Variants in COL8A2 observed in about 807,000 individuals in gnomAD.
The protein encoded by COL8A2 is collagen alpha-2(VIII) chain.
In COL8A2, 16 loss-of-function variants were observed where a neutral mutation model predicts 24.0. The observed-to-expected ratio is 0.67, with a 90% CI of 0.45 to 1.01. The LOEUF is 1.01. Ranked by LOEUF, COL8A2 falls within the 50% of genes least tolerant of loss-of-function variation. The pLI is 0.00. For synonymous variants in COL8A2, 466 were observed against 424.5 expected (o/e 1.10, Z -1.20); for missense variants, 818 against 942.4 (o/e 0.87, Z 1.73).
rs1643720524 is a variant in COL8A2, at chr1:36,104,095, G to A, written c.-16-3837C>T. ...TGTGATCCCAGCTACTTGGGGGGCT[G>A]CGGCAGGAGAATTGCTTGAACCTGG... On this transcript the variant is annotated intron_variant, in intron 2 of 3. Transcript: ENST00000397799. Among the ~76,000 whole-genome samples the A allele has an allele frequency of 2.0e-5, 3 of 152,188 alleles. No homozygotes were observed. The South Asian group carries it at 6.2e-4, about 32-fold the overall frequency.
At chr1:36,099,635 G>C (rs1280027430) in intron 3 of COL8A2, 148 bp from the exon 4 acceptor site, 2 of 686,444 alleles carry the variant, frequency 2.9e-6, no homozygotes, top group African/African-American at 3.6e-5. Flanking sequence ...TGGGGTTTGG[G>C]GGTGGCCCAG....
At chr1:36,117,039 C>A (rs1242237762) in intron 1 of COL8A2, among the ~76,000 whole-genome samples, 1 of 152,218 alleles carries the variant, frequency 6.6e-6, no homozygotes, top group East Asian at 1.9e-4. Flanking sequence ...GCCCAGCCAG[C>A]CCACCTGGCA....
chr1:36,120,765 TAGAG>T lies in COL8A2; in HGVS notation c.-62+4288_-62+4291del, dbSNP rs1234289891. The stretch of plus-strand genomic sequence containing the variant: ...TCCGTCTCAAAAAAAAAAAAAAAAA[TAGAG>T]AGAGAGAGAGGAAGGAAGGAAGGAA... On this transcript the variant is annotated intron_variant, in intron 1 of 3. Coordinates refer to ENST00000397799, the MANE Select transcript of COL8A2 (RefSeq NM_005202.4). Among the ~76,000 whole-genome samples the T allele has an allele frequency of 8.7e-4, 68 of 78,336 alleles. 1 individual carries two copies. In the East Asian group the frequency reaches 0.018, roughly 21 times the overall value. 51.4% of individuals were successfully genotyped at this position (78,336 alleles called of 152,430 possible).
chr1:36,116,368 G>A (rs995190675), intron 1 of COL8A2, among the ~76,000 whole-genome samples: 2 of 152,196 alleles, frequency 1.3e-5, no homozygotes, highest in Non-Finnish European at 2.9e-5. Context: ...TCTGTGTCCC[G>A]GGTTCCCATG....
In COL8A2 at chr1:36,115,464, G is replaced by A. The variant is rs182920718; in HGVS notation, c.-17+244C>T. Among the ~76,000 whole-genome samples, 9 of 152,226 alleles carry A rather than the reference G, an allele frequency of 5.9e-5. No individual in the cohort carries two copies. The highest frequency in any genetic ancestry group is 1.9e-4 in the African/African-American group (8 of 41,540). Reference sequence around the variant, plus strand: ...CACCCAGGCTGGGCCAAGCAAACACGGCCCCGCCAAGGAGCCAGGCGAAAT... The same window carrying A: ...CACCCAGGCTGGGCCAAGCAAACACAGCCCCGCCAAGGAGCCAGGCGAAAT... On this transcript the variant is annotated intron_variant, in intron 2 of 3. Coordinates refer to ENST00000397799, the MANE Select transcript of COL8A2 (RefSeq NM_005202.4). This position sits in a 1 kb window ranked among gnomAD's most constrained non-coding sequence, Gnocchi z 5.7.
rs999323775 is a variant in COL8A2, at chr1:36,123,172, C to T, written c.-62+1885G>A. Among the ~76,000 whole-genome samples the T allele has an allele frequency of 6.6e-6, 1 of 152,200 alleles. No homozygotes were observed. The highest frequency in any genetic ancestry group is 2.4e-5 in the African/African-American group (1 of 41,450). ...AGAGGAGAGGCCGCTGTGTCTCTCT[C>T]GTTCCTCCGACCCGACACTATAATT... On this transcript the variant is annotated intron_variant, in intron 1 of 3. Transcript: ENST00000397799. The surrounding 1 kb of genome is among the most constrained non-coding windows in gnomAD (Gnocchi z 4.1).
In COL8A2 at chr1:36,108,685, T is replaced by C. The variant is rs568286782; in HGVS notation, c.-17+7023A>G. ...AAGGAGACCGGCTGGGAGTGGGGAG[T>C]GCTCTGGGATCTTTCAGACCAGTGG... On this transcript the variant is annotated intron_variant, in intron 2 of 3. Transcript: ENST00000397799. Among the ~76,000 whole-genome samples, 23 of 151,502 alleles carry C rather than the reference T, an allele frequency of 1.5e-4. No homozygotes were observed. The South Asian group carries it at 4.8e-3, about 32-fold the overall frequency.
At chr1:36,122,074 A>G (rs1045264377) in intron 1 of COL8A2, among the ~76,000 whole-genome samples, 1 of 152,192 alleles carries the variant, frequency 6.6e-6, no homozygotes, top group Non-Finnish European at 1.5e-5. Context: ...GAATAGAAGC[A>G]CGGCCAGGTC....
Position 36,098,354 on chromosome 1 carries a change from C to A in COL8A2, c.1327G>T (p.Ala443Ser). ...CCCAAGTCACCTTTCTGCCCCAGGGCTCCTGCCACCCCTGGTCCTCCAGGG... is the reference window on the plus strand; with the variant it reads ...CCCAAGTCACCTTTCTGCCCCAGGGATCCTGCCACCCCTGGTCCTCCAGGG... Reference protein sequence around the residue: ...GRPGGPGVAGALGQKGDLGLP... With the variant: ...GRPGGPGVAGSLGQKGDLGLP... The change falls in exon 4 of 4, where the codon GCC becomes TCC. Residue 443 changes from alanine to serine, a missense_variant. This residue lies in a region of COL8A2 where 573 missense variants were observed against 616.8 expected (regional missense o/e 0.93). Coordinates refer to ENST00000397799, the MANE Select transcript of COL8A2 (RefSeq NM_005202.4). 2 of 1,551,546 alleles carry A rather than the reference C, an allele frequency of 1.3e-6. No individual in the cohort carries two copies. The highest frequency in any genetic ancestry group is 1.9e-5 in the Admixed American group (1 of 51,746).
At chr1:36,107,493 G>A (rs1415711742) in intron 2 of COL8A2, among the ~76,000 whole-genome samples, 2 of 152,066 alleles carry the variant, frequency 1.3e-5, no homozygotes, top group South Asian at 2.1e-4. Flanking sequence ...AGAGACAGAC[G>A]CAAACAGAGG....
At chr1:36,109,560 T>C (rs961432502) in intron 2 of COL8A2, among the ~76,000 whole-genome samples, 2 of 150,274 alleles carry the variant, frequency 1.3e-5, no homozygotes, top group African/African-American at 4.9e-5. Context: ...CAGGGGCTGC[T>C]CTGCCTATGG....
chr1:36,097,999 T>C lies in COL8A2; in HGVS notation c.1682A>G (p.Lys561Arg). Reference protein sequence around the residue: ...VEGAVLGKGGKPQFGLGELSA... With the variant: ...VEGAVLGKGGRPQFGLGELSA... ...CAGCTCGCCCAGCCCAAACTGTGGCTTGCCCCCCTTGCCCAGCACGGCACC... is the reference window on the plus strand; with the variant it reads ...CAGCTCGCCCAGCCCAAACTGTGGCCTGCCCCCCTTGCCCAGCACGGCACC... The change falls in exon 4 of 4, where the codon AAG becomes AGG. Residue 561 changes from lysine to arginine, a missense_variant. Physicochemically the swap from Lys to Arg is conservative, Grantham distance 26 (BLOSUM62 2). Coordinates refer to ENST00000397799, the MANE Select transcript of COL8A2 (RefSeq NM_005202.4). 1.3e-6 allele frequency: 2 copies of C among 1,598,682 alleles called. No individual in the cohort carries two copies. Among genetic ancestry groups the C allele is most frequent in the Non-Finnish European group, 1.7e-6 (2 of 1,176,574 alleles).
intron 1 of COL8A2, among the ~76,000 whole-genome samples, chr1:36,117,228 G>GA (rs1643883717): frequency 6.6e-6 from 1 of 152,232 alleles, no homozygotes. Flanking sequence ...CTGCCACTCT[G>GA]AACACTATGA....
At chr1:36,116,621 G>A (rs1157308614) in intron 1 of COL8A2, among the ~76,000 whole-genome samples, 3 of 152,226 alleles carry the variant, frequency 2.0e-5, no homozygotes, top group African/African-American at 4.8e-5. Flanking sequence ...GAATACTGCC[G>A]ACTTAAGCTT....
intron 2 of COL8A2, among the ~76,000 whole-genome samples, chr1:36,101,597 A>G (rs1304342322): frequency 6.6e-6 from 1 of 152,228 alleles, no homozygotes; most frequent in Non-Finnish European, 1.5e-5. Flanking sequence ...CTCCTCATCC[A>G]TGAAATGAGA....
Position 36,097,615 on chromosome 1 carries a change from T to C in COL8A2, c.2066A>G (p.Glu689Gly). 6.2e-7 allele frequency: 1 copy of C among 1,613,102 alleles called. No individual in the cohort carries two copies. The highest frequency in any genetic ancestry group is 8.5e-7 in the Non-Finnish European group (1 of 1,179,808). ...TCCTGAAAAGGAGGAGTGGATGTAC[T>C]CCGTGGAGTAGAGGCCGTTGGCCTG... Reference protein sequence around the residue: ...SDQANGLYSTEYIHSSFSGFL... With the variant: ...SDQANGLYSTGYIHSSFSGFL... Residue 689 changes from glutamate (E) to glycine (G), a missense_variant, in exon 4 of 4, where the codon GAG (glutamate) becomes GGG (glycine). Coordinates refer to ENST00000397799, the MANE Select transcript of COL8A2 (RefSeq NM_005202.4).
chr1:36,113,531 G>A (rs1250581280), intron 2 of COL8A2, among the ~76,000 whole-genome samples: 2 of 152,254 alleles, frequency 1.3e-5, no homozygotes, highest in Non-Finnish European at 2.9e-5. Flanking sequence ...CGAGGTCTGG[G>A]AAGGGACTTG....
intron 1 of COL8A2, among the ~76,000 whole-genome samples, chr1:36,120,103 G>C (rs1643899504): frequency 6.6e-6 from 1 of 152,100 alleles, no homozygotes; most frequent in Non-Finnish European, 1.5e-5. Flanking sequence ...CTCTGGGTCT[G>C]ACCTTCTCAT....
chr1:36,098,425 G>A lies in COL8A2; in HGVS notation c.1256C>T (p.Pro419Leu). 6.3e-7 allele frequency: 1 copy of A among 1,582,932 alleles called. No individual in the cohort carries two copies. The highest frequency in any genetic ancestry group is 1.2e-5 in the South Asian group (1 of 86,822). Residue 419 changes from proline (P) to leucine (L), a missense_variant, in exon 4 of 4, where the codon CCC (proline) becomes CTC (leucine). Physicochemically the swap from Pro to Leu is moderately conservative, Grantham distance 98 (BLOSUM62 -3). Around this residue, in one of 3 missense-constraint regions of COL8A2, gnomAD observed 573 missense variants for 616.8 expected, o/e 0.93. Coordinates refer to ENST00000397799, the MANE Select transcript of COL8A2 (RefSeq NM_005202.4). ...GERGLPGAHG[P>L]PGPTGPKGEP... Reference sequence around the variant, plus strand: ...ACCCTTGGGCCCAGTTGGTCCAGGGGGTCCATGGGCCCCAGGAAGTCCCCT... The same window carrying A: ...ACCCTTGGGCCCAGTTGGTCCAGGGAGTCCATGGGCCCCAGGAAGTCCCCT...
Sources: gnomAD v4.1 joint callset for allele counts (sites outside exome capture counted in the v4.1 genomes callset) on GRCh38, gnomAD v4.1.1 for gene constraint, gnomAD v4.1.1 regional missense constraint, Gnocchi (gnomAD v3.1) non-coding constraint, MANE v1.5 for transcripts, NCBI Gene and HGNC (gene_info 2026-07-23, HGNC 2026-07-21) for gene names.